The following PDLIM5 variants were observed in gnomAD, a reference collection of about 807,000 sequenced individuals.
PDLIM5 encodes the protein PDZ and LIM domain 5, also known as PDZ and LIM domain protein 5.
A neutral mutation model predicts 64.2 loss-of-function variants in PDLIM5; 34 were observed. The observed-to-expected ratio is 0.53, with a 90% confidence interval of 0.40 to 0.71. The LOEUF (loss-of-function observed/expected upper bound fraction) is 0.71, where lower values mean the gene tolerates loss of function less well. Among genes scored for constraint, PDLIM5 ranks in the 30% least tolerant of loss-of-function variants. The probability of loss-of-function intolerance (pLI) is 0.00; values close to 1 mark genes in which losing one functional copy is unlikely to be tolerated. For synonymous variants in PDLIM5, 253 were observed against 269.1 expected (o/e 0.94, Z 0.59); for missense variants, 683 against 733.6 (o/e 0.93, Z 0.80).
At chr4:94,494,204 G>A (rs1051132096) in intron 2 of PDLIM5, among the ~76,000 whole-genome samples, 7 of 151,986 alleles carry the variant, frequency 4.6e-5, no homozygotes, top group African/African-American at 1.7e-4. Flanking sequence ...CCGGCCTCAA[G>A]CAGTCCTCCC....
chr4:94,517,466 C>T (rs1373130761), intron 2 of PDLIM5, among the ~76,000 whole-genome samples: 2 of 152,146 alleles, frequency 1.3e-5, no homozygotes, highest in Non-Finnish European at 2.9e-5. Flanking sequence ...AGAAAAATAA[C>T]ACTTTCTCAG....
intron 3 of PDLIM5, among the ~76,000 whole-genome samples, chr4:94,538,473 A>T (rs2452587): frequency 1 from 151,953 of 152,288 alleles, 75,809 homozygotes; most frequent in East Asian, 1. Flanking sequence ...GAATTGGAGT[A>T]GTGTGGTGGA....
Position 94,639,143 on chromosome 4 carries a change from G to A in PDLIM5, c.1109-1133G>A, listed in dbSNP as rs576288569. Among the ~76,000 whole-genome samples, 11 of 152,236 alleles carry A rather than the reference G, an allele frequency of 7.2e-5. No homozygotes were observed. The South Asian group carries it at 2.3e-3, about 32-fold the overall frequency. On this transcript the variant is annotated intron_variant, in intron 8 of 12. Coordinates refer to ENST00000317968, the MANE Select transcript of PDLIM5 (RefSeq NM_006457.5). ...AAGAAGGGTAGAAAATGGCATTACC[G>A]ATGGTGAAAACAGCCTGAGCATACA...
intron 7 of PDLIM5, among the ~76,000 whole-genome samples, chr4:94,588,419 C>T (rs1176274717): frequency 6.6e-6 from 1 of 151,938 alleles, no homozygotes; most frequent in East Asian, 1.9e-4. Context: ...CAAAATTAGC[C>T]GGGCATGGTG....
chr4:94,539,435 A>AG (rs1731589784), intron 3 of PDLIM5, among the ~76,000 whole-genome samples: 1 of 152,148 alleles, frequency 6.6e-6, no homozygotes. Context: ...AGGAAAAAAA[A>AG]CACTGTCTTT....
In PDLIM5 at chr4:94,607,831, A is replaced by T. The variant is rs186109934; in HGVS notation, c.921-10173A>T. 2.0e-5 allele frequency among the ~76,000 whole-genome samples: 3 copies of T among 152,314 alleles called. No homozygotes were observed. The East Asian group carries it at 5.8e-4, about 29-fold the overall frequency. Reference sequence around the variant, plus strand: ...CCCTGTAAGCGTAATATTTTATTACATAGAAGTAGCCATATTAAAGAATTT... The same window carrying T: ...CCCTGTAAGCGTAATATTTTATTACTTAGAAGTAGCCATATTAAAGAATTT... On this transcript the variant is annotated intron_variant, in intron 7 of 12. Transcript: ENST00000317968.
intron 3 of PDLIM5, among the ~76,000 whole-genome samples, chr4:94,538,319 A>G (rs1443028279): frequency 6.6e-6 from 1 of 152,206 alleles, no homozygotes; most frequent in Non-Finnish European, 1.5e-5. Flanking sequence ...ATAAATTCAT[A>G]GCATTTTAGA....
intron 9 of PDLIM5, among the ~76,000 whole-genome samples, chr4:94,652,077 A>G (rs1298222392): frequency 6.6e-6 from 1 of 152,196 alleles, no homozygotes; most frequent in Non-Finnish European, 1.5e-5. Flanking sequence ...TTTTCTTCTC[A>G]GATGAACTTT....
chr4:94,568,024 T>C (rs1327089467), intron 3 of PDLIM5, among the ~76,000 whole-genome samples: 1 of 152,238 alleles, frequency 6.6e-6, no homozygotes, highest in East Asian at 1.9e-4. Flanking sequence ...TCATTTCTTA[T>C]ATCAGTATCT....
chr4:94,546,515 A>AT (rs1199349299), intron 3 of PDLIM5, among the ~76,000 whole-genome samples: 13 of 152,130 alleles, frequency 8.5e-5, no homozygotes, highest in African/African-American at 2.9e-4. Context: ...GGAATTTATT[A>AT]TTTTCAAGAA....
chr4:94,536,325 AG>A (rs1365744172), intron 3 of PDLIM5, among the ~76,000 whole-genome samples: 3 of 152,190 alleles, frequency 2.0e-5, no homozygotes, highest in Non-Finnish European at 4.4e-5. Context: ...GATTAAAAGG[AG>A]CCTGATTCTA....
chr4:94,613,350 A>G (rs1193092916), intron 7 of PDLIM5, among the ~76,000 whole-genome samples: 1 of 152,194 alleles, frequency 6.6e-6, no homozygotes, highest in Non-Finnish European at 1.5e-5. Flanking sequence ...TTTTCCTTTG[A>G]AAATGGACTT....
intron 2 of PDLIM5, among the ~76,000 whole-genome samples, chr4:94,519,060 A>G (rs1385597811): frequency 1.3e-5 from 2 of 152,178 alleles, no homozygotes; most frequent in Admixed American, 1.3e-4. Flanking sequence ...GAAACTCATA[A>G]TTGGATAGTA....
At chr4:94,612,874 ATATAG>A (rs1738489683) in intron 7 of PDLIM5, among the ~76,000 whole-genome samples, 1 of 151,518 alleles carries the variant, frequency 6.6e-6, no homozygotes, top group Non-Finnish European at 1.5e-5. Flanking sequence ...AAAAGTATAA[ATATAG>A]TATAATAGTT....
chr4:94,528,667 G>A (rs1730590712), intron 3 of PDLIM5, among the ~76,000 whole-genome samples: 1 of 152,130 alleles, frequency 6.6e-6, no homozygotes, highest in Non-Finnish European at 1.5e-5. Context: ...TGGGGACATA[G>A]CAGTGAACAA....
chr4:94,582,880 A>G (rs773702520), intron 5 of PDLIM5: 21 of 604,508 alleles, frequency 3.5e-5, no homozygotes, highest in Non-Finnish European at 5.0e-5. Context: ...ATTTTTTTTT[A>G]TGCTAGATAA....
In PDLIM5 at chr4:94,665,812, A is replaced by G; in HGVS notation, c.*1745A>G. ...TTTCAAATGTGATCACAAAGTTTGG[A>G]AAGCTTTTATTCACAGAGGTTGGGT... On this transcript the variant is annotated 3_prime_UTR_variant, in exon 13 of 13. Coordinates refer to ENST00000317968, the MANE Select transcript of PDLIM5 (RefSeq NM_006457.5). 2 of 1,280,658 alleles carry G rather than the reference A, an allele frequency of 1.6e-6. No individual in the cohort carries two copies. Among genetic ancestry groups the G allele is most frequent in the Non-Finnish European group, 2.0e-6 (2 of 1,016,914 alleles). The allele number at this position is 1,280,658 out of a possible 1,614,324, so 79.3% of individuals were successfully genotyped here. A position where few individuals can be genotyped will look rare whatever the true frequency, so the allele number is the denominator to read the frequency against.
At chr4:94,457,938 G>A (rs1723524518) in intron 2 of PDLIM5, among the ~76,000 whole-genome samples, 1 of 152,166 alleles carries the variant, frequency 6.6e-6, no homozygotes, top group South Asian at 2.1e-4. Flanking sequence ...ACCTTTTTGG[G>A]CCTTGTGCAG....
At chr4:94,489,984 G>A (rs1359727335) in intron 2 of PDLIM5, among the ~76,000 whole-genome samples, 1 of 151,736 alleles carries the variant, frequency 6.6e-6, no homozygotes, top group Non-Finnish European at 1.5e-5. Context: ...TCATATTGAT[G>A]TAACATATTT....
Sources: gnomAD v4.1 joint callset for allele counts (sites outside exome capture counted in the v4.1 genomes callset) on GRCh38, gnomAD v4.1.1 for gene constraint, MANE v1.5 for transcripts, NCBI Gene and HGNC (gene_info 2026-07-23, HGNC 2026-07-21) for gene names.